The following ZNF578 variants were observed in gnomAD, a reference collection of about 807,000 sequenced individuals.
ZNF578 encodes zinc finger protein 578, also known as Putative chemokine-related protein B42.
In ZNF578, 8 loss-of-function variants were observed where a neutral mutation model predicts 8.3. The ratio of observed to expected loss-of-function variants is 0.96; its 90% CI spans 0.56 to 1.74. ZNF578 has a LOEUF of 1.74. Among genes scored for constraint, ZNF578 ranks in the 40% most tolerant of loss-of-function variants. ZNF578 has a pLI of 0.00. For missense variants in ZNF578, 726 were observed against 707.5 expected (o/e 1.03, Z -0.30); for synonymous variants, 206 against 232.2 (o/e 0.89, Z 1.03).
chr19:52,496,971 T>C (rs1271067263), intron 3 of ZNF578, among the ~76,000 whole-genome samples: 2 of 151,350 alleles, frequency 1.3e-5, no homozygotes, highest in Non-Finnish European at 3.0e-5. Flanking sequence ...CTCTTGCTGT[T>C]GTCCAGGCTG....
intron 5 of ZNF578, among the ~76,000 whole-genome samples, chr19:52,508,734 G>A (rs1285038292): frequency 1.3e-5 from 2 of 151,098 alleles, no homozygotes; most frequent in African/African-American, 2.4e-5. Context: ...GGCATAGGTT[G>A]TGGTGAGCTG....
chr19:52,493,978 A>G (rs1215461610), intron 3 of ZNF578, among the ~76,000 whole-genome samples: 10 of 135,220 alleles, frequency 7.4e-5, no homozygotes, highest in Admixed American at 7.3e-4. Flanking sequence ...CAACAAGAGC[A>G]AAACTCCGTC....
intron 5 of ZNF578, among the ~76,000 whole-genome samples, chr19:52,505,703 C>T (rs1368883912): frequency 6.6e-6 from 1 of 152,144 alleles, no homozygotes; most frequent in Non-Finnish European, 1.5e-5. Flanking sequence ...GGATTACAGG[C>T]GTGAGCCACT....
intron 3 of ZNF578, among the ~76,000 whole-genome samples, chr19:52,496,699 CGCAATCTCGGTCACT>C (rs1478467070): frequency 1.2e-4 from 18 of 151,792 alleles, no homozygotes; most frequent in Middle Eastern, 6.8e-3. Context: ...AGTGCAATGG[CGCAATCTCGGTCACT>C]GCAACCTTCG....
chr19:52,507,552 A>G (rs1568466846), intron 5 of ZNF578, among the ~76,000 whole-genome samples: 1 of 152,094 alleles, frequency 6.6e-6, no homozygotes, highest in Non-Finnish European at 1.5e-5. Flanking sequence ...AGACAAAAAA[A>G]GAAATAGCTG....
intron 2 of ZNF578, among the ~76,000 whole-genome samples, chr19:52,480,447 A>G (rs1361521911): frequency 3.9e-5 from 6 of 152,166 alleles, no homozygotes; most frequent in Non-Finnish European, 5.9e-5. Flanking sequence ...CTGGTTAAAT[A>G]CAGAGAACAT....
chr19:52,467,233 A>G lies in ZNF578; in HGVS notation c.-122+10275A>G, dbSNP rs2059278107. Among the ~76,000 whole-genome samples the G allele has an allele frequency of 2.6e-5, 4 of 151,928 alleles. No homozygotes were observed. In the South Asian group the frequency reaches 8.3e-4, roughly 32 times the overall value. On this transcript the variant is annotated intron_variant, in intron 2 of 5. Transcript: ENST00000421239. Reference sequence around the variant, plus strand: ...GCCATGTTGGCCAGGTTGGTCTCGAACTCTTGACCTCAAGTGATCTGCTGG... The same window carrying G: ...GCCATGTTGGCCAGGTTGGTCTCGAGCTCTTGACCTCAAGTGATCTGCTGG...
rs552405894 is a variant in ZNF578, at chr19:52,461,380, CTGTT to C, written c.-122+4425_-122+4428del. 3.3e-5 allele frequency among the ~76,000 whole-genome samples: 5 copies of C among 152,234 alleles called. No homozygotes were observed. The South Asian group carries it at 1.0e-3, about 32-fold the overall frequency. On this transcript the variant is annotated intron_variant, in intron 2 of 5. Transcript: ENST00000421239. ...CATTGATTTGCCAATTTTCTTTGGTCTGTTTGAGTCTGAGAATTCCACAATTTTG... is the reference window on the plus strand; with the variant it reads ...CATTGATTTGCCAATTTTCTTTGGTCTGAGTCTGAGAATTCCACAATTTTG...
At chr19:52,496,252 G>A (rs1346668795) in intron 3 of ZNF578, among the ~76,000 whole-genome samples, 2 of 152,046 alleles carry the variant, frequency 1.3e-5, no homozygotes, top group Non-Finnish European at 1.5e-5. Context: ...TCATGACCTC[G>A]TGATCCACCC....
rs2123002268 is a variant in ZNF578 at position 52,513,022 on chromosome 19, T to A, written c.*868T>A. ...GATGTGAGCCAGTTTTCCCAGCCTG[T>A]TTATTATTATTTTTTGAGATGGAGT... On this transcript the variant is annotated 3_prime_UTR_variant, in exon 6 of 6. Transcript: ENST00000421239. Among the ~76,000 whole-genome samples, 1 of 152,038 alleles carries A rather than the reference T, an allele frequency of 6.6e-6. No individual in the cohort carries two copies. The highest frequency in any genetic ancestry group is 2.4e-5 in the African/African-American group (1 of 41,476).
chr19:52,495,667 T>C (rs2059383410), intron 3 of ZNF578, among the ~76,000 whole-genome samples: 1 of 150,526 alleles, frequency 6.6e-6, no homozygotes, highest in Non-Finnish European at 1.5e-5. Flanking sequence ...ACACGTTGTT[T>C]TCTCTGTTTA....
chr19:52,489,946 A>G (rs985705455), intron 2 of ZNF578, among the ~76,000 whole-genome samples: 9 of 152,058 alleles, frequency 5.9e-5, no homozygotes, highest in African/African-American at 1.9e-4. Flanking sequence ...GTGAGCCACC[A>G]CGCCCAGCCA....
At chr19:52,470,421 G>A (rs1365388180) in intron 2 of ZNF578, among the ~76,000 whole-genome samples, 1 of 152,206 alleles carries the variant, frequency 6.6e-6, no homozygotes, top group Non-Finnish European at 1.5e-5. Context: ...AAGGAGATGT[G>A]TATGGGTGCC....
chr19:52,474,296 A>G (rs2059301285), intron 2 of ZNF578: 1 of 296,208 alleles, frequency 3.4e-6, no homozygotes, highest in African/African-American at 2.2e-5. Context: ...TTGACTAAAA[A>G]CTTTGCCACA....
At chr19:52,472,007 T>C (rs1217003963) in intron 2 of ZNF578, among the ~76,000 whole-genome samples, 1 of 152,192 alleles carries the variant, frequency 6.6e-6, no homozygotes, top group African/African-American at 2.4e-5. Context: ...CATCTTATTT[T>C]TCATATTACT....
chr19:52,503,525 T>G (rs1340123479), intron 4 of ZNF578, among the ~76,000 whole-genome samples: 1 of 152,162 alleles, frequency 6.6e-6, no homozygotes, highest in East Asian at 1.9e-4. Flanking sequence ...TTTTTGTATT[T>G]TTATAGAGAT....
Position 52,511,171 on chromosome 19 carries a change from T to C in ZNF578, c.790T>C (p.Cys264Arg). 1.2e-6 allele frequency: 2 copies of C among 1,614,244 alleles called. No individual in the cohort carries two copies. The highest frequency in any genetic ancestry group is 1.7e-6 in the Non-Finnish European group (2 of 1,180,038). ...AGAAAAACAATATAAATTTGATATA[T>C]GTGGCAAAGTCTTTAATGAGAAGCG... The part of the protein sequence containing the change: ...LGEKQYKFDI[C>R]GKVFNEKRYL... Residue 264 changes from cysteine to arginine, a missense_variant, in exon 6 of 6, where the codon TGT becomes CGT. Cys to Arg is a radical substitution (Grantham distance 180, BLOSUM62 -3). Coordinates refer to ENST00000421239, the MANE Select transcript of ZNF578 (RefSeq NM_001099694.2).
intron 3 of ZNF578, among the ~76,000 whole-genome samples, chr19:52,496,177 C>A (rs1000158853): frequency 4.6e-5 from 7 of 151,456 alleles, no homozygotes; most frequent in Non-Finnish European, 8.8e-5. Context: ...CACAACCACA[C>A]CTGTCTGATT....
rs1599897587 is a variant in ZNF578, at chr19:52,486,108, C to T, written c.-121-5216C>T. Among the ~76,000 whole-genome samples the T allele has an allele frequency of 2.0e-5, 3 of 152,166 alleles. No individual in the cohort carries two copies. In the East Asian group the frequency reaches 5.8e-4, roughly 29 times the overall value. On this transcript the variant is annotated intron_variant, in intron 2 of 5. Transcript: ENST00000421239. ...TTCTATTCACTGAGATAGGAGAAAA[C>T]GGCCTTAGGGCTGGAGGTGAGACAT...
Sources: allele counts gnomAD v4.1 joint callset (sites outside exome capture counted in the v4.1 genomes callset), GRCh38; gene constraint gnomAD v4.1.1; transcripts MANE v1.5; gene names NCBI Gene and HGNC (gene_info 2026-07-23, HGNC 2026-07-21).